The following SIPA1L1 variants were observed in gnomAD, a reference collection of about 807,000 sequenced individuals.
SIPA1L1 encodes the protein signal induced proliferation associated 1 like 1, also known as signal-induced proliferation-associated 1-like protein 1.
In SIPA1L1, 26 loss-of-function variants were observed where a neutral mutation model predicts 162.7. That is an observed-to-expected ratio of 0.16 (90% CI 0.12 to 0.22). The LOEUF is 0.22. Ranked by LOEUF, SIPA1L1 falls within the 10% of genes least tolerant of loss-of-function variation. SIPA1L1 has a pLI of 1.00. For synonymous variants in SIPA1L1, 829 were observed against 837.4 expected (o/e 0.99, Z 0.17); for missense variants, 1,874 against 2,241.0 (o/e 0.84, Z 3.31).
At chr14:71,716,559 T>A (rs1344849176) in intron 17 of SIPA1L1, among the ~76,000 whole-genome samples, 2 of 152,182 alleles carry the variant, frequency 1.3e-5, no homozygotes, top group African/African-American at 4.8e-5. Flanking sequence ...TCACAGGATA[T>A]GATGATCTCA....
chr14:71,337,529 G>T (rs528400580), intron 2 of SIPA1L1, among the ~76,000 whole-genome samples: 2 of 152,120 alleles, frequency 1.3e-5, no homozygotes, highest in Non-Finnish European at 2.9e-5. Flanking sequence ...AGCATGTCCT[G>T]GAGAACTCCT....
chr14:71,664,834 G>A (rs551321810), intron 10 of SIPA1L1, among the ~76,000 whole-genome samples: 3 of 152,136 alleles, frequency 2.0e-5, no homozygotes, highest in Non-Finnish European at 2.9e-5. Context: ...GAGGTGTGGG[G>A]TCATTACAGG....
intron 2 of SIPA1L1, among the ~76,000 whole-genome samples, chr14:71,452,688 A>T (rs979554103): frequency 1.8e-4 from 28 of 152,174 alleles, no homozygotes; most frequent in Non-Finnish European, 2.9e-5. Flanking sequence ...CCACATCTTC[A>T]TCAGCACATT....
intron 2 of SIPA1L1, among the ~76,000 whole-genome samples, chr14:71,487,396 A>G (rs1266391747): frequency 1.3e-5 from 2 of 152,186 alleles, no homozygotes; most frequent in African/African-American, 4.8e-5. Flanking sequence ...ACAGTGCCTG[A>G]CTTCTCATAG....
In SIPA1L1 at chr14:71,724,820, A is replaced by G; in HGVS notation, c.4599A>G (p.Ser1533=). Residue 1533 remains serine (S), a synonymous_variant, in exon 19 of 24, where the codon TCA becomes TCG. Coordinates refer to ENST00000381232, the MANE Select transcript of SIPA1L1 (RefSeq NM_001386936.1). The part of the protein sequence containing the change: ...LIDLESPTPE[S]QKSFKFHALS... ...ATCTTGAAAGCCCAACTCCTGAATC[A>G]CAGAAGAGTTTTAAGGTACAAGACA... is the stretch of plus-strand genomic sequence containing the variant. 3 of 1,614,092 alleles carry G rather than the reference A, an allele frequency of 1.9e-6. No individual in the cohort carries two copies. The highest frequency in any genetic ancestry group is 1.7e-6 in the Non-Finnish European group (2 of 1,179,990).
At chr14:71,433,121 T>G (rs896754896) in intron 2 of SIPA1L1, among the ~76,000 whole-genome samples, 1 of 152,222 alleles carries the variant, frequency 6.6e-6, no homozygotes, top group African/African-American at 2.4e-5. Flanking sequence ...GTTATTCTGC[T>G]GTATAGTGTT....
intron 12 of SIPA1L1, among the ~76,000 whole-genome samples, chr14:71,674,722 G>A (rs1158313094): frequency 6.6e-5 from 10 of 151,392 alleles, no homozygotes; most frequent in African/African-American, 1.2e-4. Flanking sequence ...CCGCCACTAC[G>A]CCCGGCTAAT....
At chr14:71,600,413 A>G (rs1385126723) in intron 5 of SIPA1L1, among the ~76,000 whole-genome samples, 2 of 152,142 alleles carry the variant, frequency 1.3e-5, no homozygotes, top group Non-Finnish European at 1.5e-5. Flanking sequence ...CTGTAAATAT[A>G]TGAATTTTTC....
intron 2 of SIPA1L1, among the ~76,000 whole-genome samples, chr14:71,396,034 A>C (rs1339292350): frequency 6.6e-6 from 1 of 152,088 alleles, no homozygotes; most frequent in Non-Finnish European, 1.5e-5. Context: ...CTCCTTAGAG[A>C]AGGGAACATA....
intron 2 of SIPA1L1, among the ~76,000 whole-genome samples, chr14:71,502,245 A>AG (rs1161498293): frequency 1.1e-5 from 1 of 88,912 alleles, no homozygotes; most frequent in Non-Finnish European, 2.3e-5. Flanking sequence ...GATACTTGAA[A>AG]AAAAAAAAAA....
Position 71,671,691 on chromosome 14 carries a change from A to G in SIPA1L1, c.2828A>G (p.Gln943Arg). The change falls in exon 11 of 24, where the codon CAG (glutamine) becomes CGG (arginine). Residue 943 changes from glutamine to arginine, a missense_variant and splice_region_variant. Transcript: ENST00000381232. ...EEIKEIVKRL[Q>R]FVSKGCESVE... Reference sequence around the variant, plus strand: ...ATCAAAGAGATTGTCAAAAGGTTGCAGGTGAGTCTCTCCTTCCTCTTCCTT... The same window carrying G: ...ATCAAAGAGATTGTCAAAAGGTTGCGGGTGAGTCTCTCCTTCCTCTTCCTT... The G allele has an allele frequency of 6.3e-7, 1 of 1,585,376 alleles. No homozygotes were observed. The highest frequency in any genetic ancestry group is 8.6e-7 in the Non-Finnish European group (1 of 1,167,350).
intron 2 of SIPA1L1, among the ~76,000 whole-genome samples, chr14:71,396,139 C>T (rs570934046): frequency 1.3e-5 from 2 of 152,290 alleles, no homozygotes; most frequent in African/African-American, 4.8e-5. Flanking sequence ...AAAAATCCTT[C>T]CGCCATCTAG....
chr14:71,729,300 T>C (rs1328254365), intron 19 of SIPA1L1, among the ~76,000 whole-genome samples: 1 of 152,190 alleles, frequency 6.6e-6, no homozygotes, highest in Non-Finnish European at 1.5e-5. Context: ...CCTCCCAAAG[T>C]GCTGGGATTA....
At chr14:71,651,532 CTGCT>C (rs1423028275) in intron 8 of SIPA1L1, among the ~76,000 whole-genome samples, 2 of 152,180 alleles carry the variant, frequency 1.3e-5, no homozygotes, top group Non-Finnish European at 2.9e-5. Context: ...ATTCTGTACT[CTGCT>C]TGCAACTGCA....
Position 71,562,668 on chromosome 14 carries a change from T to C in SIPA1L1, c.-302-24903T>C, listed in dbSNP as rs568665351. On this transcript the variant is annotated intron_variant, in intron 4 of 23. Transcript: ENST00000381232. ...GTTTTGTTATTTGTATTTTTTTCCATGTGTATGGAACATATAATGTGTGAC... is the reference window on the plus strand; with the variant it reads ...GTTTTGTTATTTGTATTTTTTTCCACGTGTATGGAACATATAATGTGTGAC... Among the ~76,000 whole-genome samples the C allele has an allele frequency of 2.0e-5, 3 of 152,332 alleles. 1 individual carries two copies. The East Asian group carries it at 5.8e-4, about 29-fold the overall frequency.
chr14:71,726,142 G>C (rs150592927), intron 19 of SIPA1L1, among the ~76,000 whole-genome samples: 205 of 152,288 alleles, frequency 1.3e-3, no homozygotes, highest in Non-Finnish European at 2.4e-3. Context: ...TTAGAGTTTT[G>C]TCGAGAAATA....
intron 2 of SIPA1L1, among the ~76,000 whole-genome samples, chr14:71,406,168 A>T (rs886512249): frequency 1.3e-5 from 2 of 152,202 alleles, no homozygotes; most frequent in African/African-American, 2.4e-5. Flanking sequence ...GAAGAATGTA[A>T]ATGAATTGTA....
chr14:71,701,379 G>C (rs890693969), intron 14 of SIPA1L1, among the ~76,000 whole-genome samples: 4 of 151,076 alleles, frequency 2.6e-5, no homozygotes, highest in Non-Finnish European at 4.4e-5. Context: ...ACCACACCAG[G>C]CTAATTTTTT....
chr14:71,412,059 A>T (rs1056952565), intron 2 of SIPA1L1, among the ~76,000 whole-genome samples: 2 of 152,234 alleles, frequency 1.3e-5, no homozygotes, highest in African/African-American at 4.8e-5. Context: ...CTCATTAGTT[A>T]AAGATTAACA....
Sources: gnomAD v4.1 joint callset for allele counts (sites outside exome capture counted in the v4.1 genomes callset) on GRCh38, gnomAD v4.1.1 for gene constraint, MANE v1.5 for transcripts, NCBI Gene and HGNC (gene_info 2026-07-23, HGNC 2026-07-21) for gene names.